Variants in QKI observed in about 807,000 individuals in gnomAD.
The protein encoded by QKI is QKI, KH domain containing RNA binding, also known as KH domain-containing RNA-binding protein QKI.
QKI carries 10 observed loss-of-function variants against 39.0 expected under a neutral mutation model. The ratio of observed to expected loss-of-function variants is 0.26; its 90% CI spans 0.16 to 0.43. The LOEUF (loss-of-function observed/expected upper bound fraction) is 0.43. Ranked by LOEUF, QKI falls within the 20% of genes least tolerant of loss-of-function variation. QKI has a pLI of 1.00. For synonymous variants in QKI, 204 were observed against 155.4 expected (o/e 1.31, Z -2.33); for missense variants, 218 against 428.0 (o/e 0.51, Z 4.33).
At chr6:163,429,449 A>T (rs1253751577) in intron 1 of QKI, among the ~76,000 whole-genome samples, 1 of 152,164 alleles carries the variant, frequency 6.6e-6, no homozygotes, top group Non-Finnish European at 1.5e-5. Flanking sequence ...ATTCTTTGCA[A>T]ATATAATGTT....
At chr6:163,473,170 C>G (rs1040516791) in intron 2 of QKI, among the ~76,000 whole-genome samples, 23 of 152,164 alleles carry the variant, frequency 1.5e-4, no homozygotes, top group African/African-American at 5.3e-4. Context: ...TCAGGTAGTT[C>G]TACTTCTGGG....
At chr6:163,523,587 TATG>T in intron 3 of QKI, among the ~76,000 whole-genome samples, 1 of 152,362 alleles carries the variant, frequency 6.6e-6, no homozygotes, top group East Asian at 1.9e-4. Context: ...GTATGTTAAT[TATG>T]ATAGTATGCA....
At chr6:163,497,217 T>C (rs918434459) in intron 3 of QKI, among the ~76,000 whole-genome samples, 1 of 152,194 alleles carries the variant, frequency 6.6e-6, no homozygotes, top group Non-Finnish European at 1.5e-5. Flanking sequence ...TTCAGTAGTT[T>C]ATATAGATAT....
chr6:163,566,086 CT>C, intron 6 of QKI: 1 of 1,531,430 alleles, frequency 6.5e-7, no homozygotes. Flanking sequence ...CTTACTTGCA[CT>C]TTTTGCACAT....
chr6:163,437,806 C>T (rs969821933), intron 1 of QKI, among the ~76,000 whole-genome samples: 1 of 152,104 alleles, frequency 6.6e-6, no homozygotes, highest in African/African-American at 2.4e-5. Flanking sequence ...CTAAAATGCC[C>T]TCCCCTCCCA....
intron 1 of QKI, among the ~76,000 whole-genome samples, chr6:163,450,089 A>T (rs1330754860): frequency 1.3e-5 from 2 of 152,062 alleles, no homozygotes; most frequent in Non-Finnish European, 2.9e-5. Context: ...ATGGAGTCTC[A>T]CCCTGTCACC....
intron 3 of QKI, among the ~76,000 whole-genome samples, chr6:163,484,319 C>T (rs1408495500): frequency 6.6e-6 from 1 of 151,978 alleles, no homozygotes; most frequent in Non-Finnish European, 1.5e-5. Flanking sequence ...CATGCCTCAG[C>T]CTGCTGAGTA....
intron 3 of QKI, among the ~76,000 whole-genome samples, chr6:163,479,948 T>C (rs1318380215): frequency 2.0e-5 from 3 of 152,232 alleles, no homozygotes; most frequent in Non-Finnish European, 2.9e-5. Context: ...CCATATGAGA[T>C]ACACTTTGGG....
chr6:163,499,679 A>G (rs1778625904), intron 3 of QKI, among the ~76,000 whole-genome samples: 1 of 152,088 alleles, frequency 6.6e-6, no homozygotes, highest in South Asian at 2.1e-4. Context: ...AAATCAAGCT[A>G]TCTTTATTCC....
intron 7 of QKI, chr6:163,567,308 C>G: frequency 8.1e-6 from 8 of 985,712 alleles, no homozygotes; most frequent in Non-Finnish European, 9.6e-6. Flanking sequence ...GTGCACATGT[C>G]AAGTACTTAG....
At chr6:163,431,450 T>C (rs1371096022) in intron 1 of QKI, among the ~76,000 whole-genome samples, 1 of 152,190 alleles carries the variant, frequency 6.6e-6, no homozygotes, top group African/African-American at 2.4e-5. Flanking sequence ...AAAATAGGTA[T>C]ATACAGAGAA....
chr6:163,537,283 G>GCATGATACATGGAGAATACTTAT (rs1781264254), intron 4 of QKI, among the ~76,000 whole-genome samples: 2 of 152,154 alleles, frequency 1.3e-5, no homozygotes, highest in African/African-American at 2.4e-5. Context: ...AGAATACTTA[G>GCATGATACATGGAGAATACTTAT]CATAATACCT....
At chr6:163,429,332 G>A (rs955034643) in intron 1 of QKI, among the ~76,000 whole-genome samples, 2 of 151,996 alleles carry the variant, frequency 1.3e-5, no homozygotes, top group Admixed American at 6.6e-5. Context: ...TGCTCTTAAT[G>A]TTTCCTTGTA....
intron 2 of QKI, among the ~76,000 whole-genome samples, chr6:163,457,896 G>A (rs567055512): frequency 6.6e-6 from 1 of 152,230 alleles, no homozygotes; most frequent in South Asian, 2.1e-4. Context: ...ACTGTGTATG[G>A]AAGGAGGTAT....
chr6:163,531,166 G>C (rs1780825887), intron 3 of QKI, among the ~76,000 whole-genome samples: 1 of 152,092 alleles, frequency 6.6e-6, no homozygotes, highest in Admixed American at 6.5e-5. Context: ...GAGCATTCTT[G>C]TTTCAGCATT....
intron 2 of QKI, among the ~76,000 whole-genome samples, chr6:163,467,173 G>A (rs914121860): frequency 6.6e-6 from 1 of 152,012 alleles, no homozygotes; most frequent in African/African-American, 2.4e-5. Flanking sequence ...ACACACACAC[G>A]TGCGTGTACA....
At chr6:163,493,473 T>C (rs1217426364) in intron 3 of QKI, among the ~76,000 whole-genome samples, 1 of 152,184 alleles carries the variant, frequency 6.6e-6, no homozygotes, top group African/African-American at 2.4e-5. Flanking sequence ...ATTGTACATA[T>C]GTGTACTGAG....
rs1364880520 is a variant in QKI, at chr6:163,574,959, TAC to T, written c.*4255_*4256del. ...GGTATTCTCATTTCATAAATATGTATACACACATATAAATACACAGAGTAGTG... is the reference window on the plus strand; with the variant it reads ...GGTATTCTCATTTCATAAATATGTATACACATATAAATACACAGAGTAGTG... On this transcript the variant is annotated 3_prime_UTR_variant, in exon 8 of 8. Transcript: ENST00000361752. 6.6e-6 allele frequency: 1 copy of T among 152,224 alleles called. No individual in the cohort carries two copies. Among genetic ancestry groups the T allele is most frequent in the East Asian group, 1.9e-4 (1 of 5,200 alleles). 9.4% of individuals were successfully genotyped at this position (152,224 alleles called of 1,614,324 possible).
At chr6:163,478,680 A>G in intron 2 of QKI, 100 bp from the exon 3 acceptor site, 4 of 780,682 alleles carry the variant, frequency 5.1e-6, no homozygotes, top group Non-Finnish European at 8.1e-6. Flanking sequence ...TTAAAAAGAC[A>G]TTTAACTTCA....
Sources: allele counts gnomAD v4.1 joint callset (sites outside exome capture counted in the v4.1 genomes callset), GRCh38; gene constraint gnomAD v4.1.1; transcripts MANE v1.5; gene names NCBI Gene and HGNC (gene_info 2026-07-23, HGNC 2026-07-21).